ESR1: variants seen among roughly 807,000 people sequenced by gnomAD.
ESR1 encodes the protein estrogen receptor 1.
In ESR1, 12 loss-of-function variants were observed where a neutral mutation model predicts 52.7. The observed-to-expected ratio is 0.23, with a 90% CI of 0.15 to 0.37. The LOEUF is 0.37. ESR1 is among the 10% of genes least tolerant of loss of function. The probability of loss-of-function intolerance (pLI) is 1.00; values close to 1 mark genes in which losing one functional copy is unlikely to be tolerated. For synonymous variants in ESR1, 305 were observed against 316.8 expected, an observed-to-expected ratio of 0.96 and a Z score of 0.39; for missense variants, 584 against 779.7, an observed-to-expected ratio of 0.75 and a Z score of 2.99.
At chr6:152,111,743 C>A (rs756574951) in intron 6 of ESR1, among the ~76,000 whole-genome samples, 1 of 152,086 alleles carries the variant, frequency 6.6e-6, no homozygotes, top group Non-Finnish European at 1.5e-5. Context: ...GGAACCGTGT[C>A]GCTGTCTCGG....
At chr6:151,675,411 A>G (rs1336843236) in intron 1 of ESR1, among the ~76,000 whole-genome samples, 1 of 152,044 alleles carries the variant, frequency 6.6e-6, no homozygotes, top group Non-Finnish European at 1.5e-5. Context: ...TGTTCTAATA[A>G]GTTTCTGAGC....
chr6:151,899,327 G>A (rs1357706287), intron 3 of ESR1, among the ~76,000 whole-genome samples: 7 of 122,874 alleles, frequency 5.7e-5, no homozygotes, highest in East Asian at 5.1e-4. Flanking sequence ...CCTCCCGGAC[G>A]GGGCGGCTGG....
chr6:151,695,716 A>G (rs896034222), intron 1 of ESR1, among the ~76,000 whole-genome samples: 1 of 152,218 alleles, frequency 6.6e-6, no homozygotes, highest in African/African-American at 2.4e-5. Context: ...AGTGTATCTG[A>G]CAGAAGAAAT....
chr6:151,988,009 G>A lies in ESR1; in HGVS notation c.1097-23647G>A, dbSNP rs78620469. 6.3e-3 allele frequency among the ~76,000 whole-genome samples: 957 copies of A among 152,224 alleles called. 17 individuals are homozygous for A. The highest frequency in any genetic ancestry group is 0.022 in the African/African-American group (927 of 41,500). ...AGCCTAAACTCAGTATAGTTTTAAA[G>A]CAGCAGTCCCCAACCCTTTTGGCAC... On this transcript the variant is annotated intron_variant, in intron 4 of 7. Coordinates refer to ENST00000206249, the MANE Select transcript of ESR1 (RefSeq NM_000125.4).
chr6:151,817,365 TC>T (rs1319955309), intron 1 of ESR1, among the ~76,000 whole-genome samples: 2 of 152,200 alleles, frequency 1.3e-5, no homozygotes, highest in African/African-American at 4.8e-5. Context: ...GGAGGATATT[TC>T]CAAGTCTTCA....
In ESR1 at chr6:151,904,167, G is replaced by A. The variant is rs9340867; in HGVS notation, c.760+23396G>A. Among the ~76,000 whole-genome samples the A allele has an allele frequency of 3.3e-4, 51 of 152,266 alleles. No homozygotes were observed. In the East Asian group the frequency reaches 7.3e-3, roughly 22 times the overall value. Reference sequence around the variant, plus strand: ...TTTCTCACTTTTGTTTGTGCATAGTGCATAGACCTGTAGAAAATTTATTAG... The same window carrying A: ...TTTCTCACTTTTGTTTGTGCATAGTACATAGACCTGTAGAAAATTTATTAG... On this transcript the variant is annotated intron_variant, in intron 3 of 7. Transcript: ENST00000206249.
intron 2 of ESR1, among the ~76,000 whole-genome samples, chr6:151,721,580 C>A (rs1781466052): frequency 6.6e-6 from 1 of 152,170 alleles, no homozygotes; most frequent in Non-Finnish European, 1.5e-5. Context: ...CAACTCTTTG[C>A]AAATCATGGG....
At chr6:151,804,928 T>C (rs1280270899), upstream of ESR1, 2 of 152,238 alleles carry the variant, frequency 1.3e-5, no homozygotes, top group Admixed American at 6.5e-5. Context: ...TGAACGCCAC[T>C]GGGAAATGAG....
chr6:151,668,379 T>C (rs925781971), intron 1 of ESR1, among the ~76,000 whole-genome samples: 9 of 152,194 alleles, frequency 5.9e-5, no homozygotes, highest in Admixed American at 2.0e-4. Context: ...CCTGGGTTCA[T>C]GCCATTCTCC....
At chr6:151,845,746 TG>T (rs1168530142) in intron 2 of ESR1, among the ~76,000 whole-genome samples, 5 of 152,138 alleles carry the variant, frequency 3.3e-5, no homozygotes, top group Admixed American at 2.6e-4. Context: ...GCTTTTAAAA[TG>T]GGATAAATAT....
chr6:151,729,158 C>T (rs545853921), intron 2 of ESR1, among the ~76,000 whole-genome samples: 2 of 152,150 alleles, frequency 1.3e-5, no homozygotes, highest in African/African-American at 4.8e-5. Context: ...GTGGAACCCT[C>T]AAGAAAAGGA....
chr6:151,882,234 C>T (rs1417438550), intron 3 of ESR1, among the ~76,000 whole-genome samples: 9 of 152,160 alleles, frequency 5.9e-5, no homozygotes, highest in Non-Finnish European at 4.4e-5. Context: ...TTTCATAGTC[C>T]CGGGGTCATA....
chr6:151,866,009 G>T (rs1789838774), intron 2 of ESR1, among the ~76,000 whole-genome samples: 1 of 152,218 alleles, frequency 6.6e-6, no homozygotes, highest in Non-Finnish European at 1.5e-5. Context: ...AGCTGTGTGG[G>T]TGCCCAGGTG....
chr6:151,751,035 T>A (rs1043238073), intron 2 of ESR1, among the ~76,000 whole-genome samples: 2 of 152,234 alleles, frequency 1.3e-5, no homozygotes, highest in Non-Finnish European at 2.9e-5. Context: ...CTTCAGATAC[T>A]TAAAACAGCA....
intron 3 of ESR1, among the ~76,000 whole-genome samples, chr6:151,909,867 T>C (rs139240700): frequency 7.8e-4 from 118 of 152,080 alleles, no homozygotes; most frequent in African/African-American, 2.8e-3. Context: ...CTTCACCAGA[T>C]CGCCAAGCTA....
chr6:151,833,059 G>C (rs1782709050), intron 1 of ESR1, among the ~76,000 whole-genome samples: 1 of 152,190 alleles, frequency 6.6e-6, no homozygotes, highest in Admixed American at 6.5e-5. Context: ...CTTTTTGGCT[G>C]CTACCTGAGA....
intron 3 of ESR1, among the ~76,000 whole-genome samples, chr6:151,926,173 T>C (rs2032702618): frequency 6.6e-6 from 1 of 152,162 alleles, no homozygotes; most frequent in Non-Finnish European, 1.5e-5. Flanking sequence ...CTGGACTTCT[T>C]ACTCTGTTTC....
At chr6:151,949,074 T>G (rs1434714392) in intron 4 of ESR1, among the ~76,000 whole-genome samples, 1 of 152,176 alleles carries the variant, frequency 6.6e-6, no homozygotes, top group Non-Finnish European at 1.5e-5. Flanking sequence ...TCCTTTTTCC[T>G]CTCCTCAAAA....
At chr6:151,918,752 C>A (rs1461247470) in intron 3 of ESR1, among the ~76,000 whole-genome samples, 1 of 152,110 alleles carries the variant, frequency 6.6e-6, no homozygotes, top group Non-Finnish European at 1.5e-5. Flanking sequence ...ACCTCCTTCT[C>A]ACTATTAACA....
Sources: gnomAD v4.1 joint callset for allele counts (sites outside exome capture counted in the v4.1 genomes callset) on GRCh38, gnomAD v4.1.1 for gene constraint, MANE v1.5 for transcripts, NCBI Gene and HGNC (gene_info 2026-07-23, HGNC 2026-07-21) for gene names.